BABAM2: variants seen among roughly 807,000 people sequenced by gnomAD.
BABAM2 encodes the protein BRISC and BRCA1-A complex member 2.
A neutral mutation model predicts 54.7 loss-of-function variants in BABAM2; 31 were observed. The ratio of observed to expected loss-of-function variants is 0.57; its 90% CI spans 0.43 to 0.77. BABAM2 has a LOEUF of 0.77. BABAM2 is among the 30% of genes least tolerant of loss of function. BABAM2 has a pLI of 0.00. For synonymous variants in BABAM2, 167 were observed against 162.9 expected (o/e 1.03, Z -0.19); for missense variants, 364 against 455.8 (o/e 0.80, Z 1.83).
chr2:28,059,074 A>G (rs1292833759), intron 6 of BABAM2, among the ~76,000 whole-genome samples: 1 of 152,150 alleles, frequency 6.6e-6, no homozygotes, highest in Non-Finnish European at 1.5e-5. Context: ...GAGTTTTACA[A>G]TCATTGTCAC....
At chr2:28,059,082 C>T (rs1030538338) in intron 6 of BABAM2, among the ~76,000 whole-genome samples, 1 of 152,162 alleles carries the variant, frequency 6.6e-6, no homozygotes, top group Non-Finnish European at 1.5e-5. Flanking sequence ...CAATCATTGT[C>T]ACCCAGCACG....
At chr2:28,298,705 A>G (rs1229372390) in intron 11 of BABAM2, among the ~76,000 whole-genome samples, 1 of 152,230 alleles carries the variant, frequency 6.6e-6, no homozygotes, top group Non-Finnish European at 1.5e-5. Context: ...CAGAGACTGG[A>G]TGGCCTAGAA....
chr2:28,103,995 T>G (rs955440505), intron 6 of BABAM2, among the ~76,000 whole-genome samples: 3 of 152,208 alleles, frequency 2.0e-5, no homozygotes, highest in Non-Finnish European at 4.4e-5. Context: ...TTTTTAACCC[T>G]TATATTCTGA....
At chr2:28,258,779 A>AT (rs886452951) in intron 10 of BABAM2, among the ~76,000 whole-genome samples, 1 of 146,094 alleles carries the variant, frequency 6.8e-6, no homozygotes, top group Non-Finnish European at 1.5e-5. Flanking sequence ...TGCCTGGCTA[A>AT]TTTTTTTTTC....
intron 7 of BABAM2, among the ~76,000 whole-genome samples, chr2:28,155,435 G>A (rs1459961691): frequency 2.0e-5 from 3 of 152,004 alleles, no homozygotes; most frequent in Non-Finnish European, 4.4e-5. Context: ...CGATAGAGAG[G>A]GGTCATCTCC....
chr2:27,971,972 A>G (rs545705697), intron 3 of BABAM2, among the ~76,000 whole-genome samples: 124 of 152,334 alleles, frequency 8.1e-4, no homozygotes, highest in African/African-American at 3.0e-3. Flanking sequence ...ATGCTAATTT[A>G]TAGCATTTGG....
At position 28,128,004 on chromosome 2, in the gene BABAM2, G is replaced by A. The variant is rs565891222; in HGVS notation, c.571-1267G>A. 4.6e-5 allele frequency among the ~76,000 whole-genome samples: 7 copies of A among 152,094 alleles called. No individual in the cohort carries two copies. The South Asian group carries it at 6.2e-4, about 14-fold the overall frequency. On this transcript the variant is annotated intron_variant, in intron 6 of 11. Coordinates refer to ENST00000379624, the MANE Select transcript of BABAM2 (RefSeq NM_199191.3). ...TTTTTTTGTATTTTTAGTAGAGACC[G>A]GGTTTCACCGTGTTAGCCAGGATGG...
At chr2:28,287,014 G>A (rs185336415) in intron 10 of BABAM2, among the ~76,000 whole-genome samples, 1 of 152,122 alleles carries the variant, frequency 6.6e-6, no homozygotes, top group Non-Finnish European at 1.5e-5. Context: ...TCGCATTGGG[G>A]TAGTCACAAT....
At chr2:28,296,391 G>A (rs769839879) in intron 10 of BABAM2, among the ~76,000 whole-genome samples, 2 of 152,182 alleles carry the variant, frequency 1.3e-5, no homozygotes, top group Non-Finnish European at 2.9e-5. Context: ...TGTGACTAAA[G>A]AGTGGACATT....
chr2:27,998,350 A>G (rs1220094540), intron 4 of BABAM2, among the ~76,000 whole-genome samples: 1 of 151,968 alleles, frequency 6.6e-6, no homozygotes, highest in Non-Finnish European at 1.5e-5. Flanking sequence ...ACAAGTAAAT[A>G]CCAAGAAAAA....
chr2:27,998,740 T>C (rs1673355637), intron 4 of BABAM2, among the ~76,000 whole-genome samples: 1 of 152,236 alleles, frequency 6.6e-6, no homozygotes, highest in Non-Finnish European at 1.5e-5. Flanking sequence ...TAACTAATAG[T>C]TGGTTATGGT....
chr2:28,289,066 G>GCACA (rs371231392), intron 10 of BABAM2, among the ~76,000 whole-genome samples: 9 of 146,992 alleles, frequency 6.1e-5, no homozygotes, highest in Admixed American at 3.4e-4. Context: ...ATACACACGC[G>GCACA]CACACACACA....
At chr2:28,162,564 G>A (rs936385962) in intron 7 of BABAM2, among the ~76,000 whole-genome samples, 3 of 152,164 alleles carry the variant, frequency 2.0e-5, no homozygotes, top group Non-Finnish European at 2.9e-5. Flanking sequence ...TCCTAGCTCA[G>A]CCAACCCTGC....
intron 8 of BABAM2, among the ~76,000 whole-genome samples, chr2:28,237,734 C>G (rs971649429): frequency 2.6e-5 from 4 of 152,226 alleles, no homozygotes; most frequent in African/African-American, 9.6e-5. Context: ...ACCTTCATCC[C>G]TCTCTGTGTT....
At chr2:28,307,153 C>T (rs1351881185) in intron 11 of BABAM2, among the ~76,000 whole-genome samples, 1 of 150,874 alleles carries the variant, frequency 6.6e-6, no homozygotes, top group Non-Finnish European at 1.5e-5. Flanking sequence ...ACTATAGGCG[C>T]ACACCACCAC....
At chr2:28,291,264 C>G (rs1687259459) in intron 10 of BABAM2, among the ~76,000 whole-genome samples, 1 of 152,042 alleles carries the variant, frequency 6.6e-6, no homozygotes, top group Admixed American at 6.6e-5. Context: ...TGGAAAAATC[C>G]AAGAAACTTC....
At chr2:27,928,356 G>T (rs555577648) in intron 2 of BABAM2, among the ~76,000 whole-genome samples, 1 of 152,034 alleles carries the variant, frequency 6.6e-6, no homozygotes, top group Admixed American at 6.6e-5. Context: ...CACCATGTTG[G>T]CCAGGCTGGT....
chr2:28,127,256 G>A (rs1034602194), intron 6 of BABAM2, among the ~76,000 whole-genome samples: 3 of 152,194 alleles, frequency 2.0e-5, no homozygotes, highest in East Asian at 3.9e-4. Flanking sequence ...TGGCCAAAGA[G>A]ACAAGAAAAG....
chr2:27,937,453 G>A (rs1190330943), intron 3 of BABAM2, among the ~76,000 whole-genome samples: 1 of 152,148 alleles, frequency 6.6e-6, no homozygotes, highest in Non-Finnish European at 1.5e-5. Flanking sequence ...TGATCAACTG[G>A]TTTGCTGAAC....
Sources: gnomAD v4.1 joint callset for allele counts (sites outside exome capture counted in the v4.1 genomes callset) on GRCh38, gnomAD v4.1.1 for gene constraint, MANE v1.5 for transcripts, NCBI Gene and HGNC (gene_info 2026-07-23, HGNC 2026-07-21) for gene names.